Variants in CRYL1 observed in about 807,000 individuals in gnomAD.
The protein encoded by CRYL1 is crystallin lambda 1.
Under a neutral mutation model 36.6 loss-of-function variants are expected in CRYL1, and 29 were observed. The observed-to-expected ratio is 0.79, with a 90% CI of 0.59 to 1.08. The LOEUF (loss-of-function observed/expected upper bound fraction) is 1.08, where lower values mean the gene tolerates loss of function less well. CRYL1 is among the 50% of genes least tolerant of loss of function. The probability of loss-of-function intolerance (pLI) is 0.00; values close to 1 mark genes in which losing one functional copy is unlikely to be tolerated. For missense variants in CRYL1, 411 were observed against 407.9 expected, an observed-to-expected ratio of 1.01 and a Z score of -0.06; for synonymous variants, 152 against 151.5, an observed-to-expected ratio of 1.00 and a Z score of -0.02.
intron 7 of CRYL1, 35 bp from the exon 8 acceptor site, chr13:20,404,277 A>G (rs1274757149): frequency 9.5e-6 from 13 of 1,361,272 alleles, no homozygotes; most frequent in Non-Finnish European, 1.4e-5. Context: ...AGGACAATAA[A>G]GAGGAAATAA....
chr13:20,408,695 T>C (rs920436930), intron 6 of CRYL1, among the ~76,000 whole-genome samples: 4 of 152,180 alleles, frequency 2.6e-5, no homozygotes, highest in Middle Eastern at 3.2e-3. Context: ...TGCATTCTTA[T>C]ACACCAACAA....
Position 20,499,513 on chromosome 13 carries a change from C to T in CRYL1, c.150-10017G>A, listed in dbSNP as rs563617479. Among the ~76,000 whole-genome samples the T allele has an allele frequency of 7.9e-5, 12 of 151,068 alleles. No homozygotes were observed. The South Asian group carries it at 1.3e-3, about 16-fold the overall frequency. On this transcript the variant is annotated intron_variant, in intron 2 of 7. Coordinates refer to ENST00000298248, the MANE Select transcript of CRYL1 (RefSeq NM_015974.3). ...AAAATGAAAAAAAAAATTAGCCGGG[C>T]GTGGTGGCAGGCGCCTGTAGTCCCA...
At chr13:20,471,994 G>A (rs904178773) in intron 3 of CRYL1, among the ~76,000 whole-genome samples, 3 of 151,948 alleles carry the variant, frequency 2.0e-5, no homozygotes, top group Non-Finnish European at 2.9e-5. Context: ...CTGAGTAGCT[G>A]GGATTACAGG....
At chr13:20,522,970 G>A (rs2034124262) in intron 1 of CRYL1, among the ~76,000 whole-genome samples, 2 of 139,916 alleles carry the variant, frequency 1.4e-5, no homozygotes, top group African/African-American at 2.7e-5. Flanking sequence ...CAGCTGGAGT[G>A]CAGTGGTGTG....
chr13:20,408,162 A>AC (rs2031424672), intron 6 of CRYL1, among the ~76,000 whole-genome samples: 1 of 152,168 alleles, frequency 6.6e-6, no homozygotes, highest in African/African-American at 2.4e-5. Flanking sequence ...TCAAATTCCC[A>AC]CCTGAGTGAG....
At chr13:20,507,277 G>A (rs754200038) in intron 2 of CRYL1, among the ~76,000 whole-genome samples, 8 of 152,116 alleles carry the variant, frequency 5.3e-5, no homozygotes, top group Non-Finnish European at 8.8e-5. Context: ...AAAATTATAC[G>A]AACAAAGTTC....
chr13:20,518,470 G>A (rs1344473274), intron 1 of CRYL1, among the ~76,000 whole-genome samples: 4 of 152,108 alleles, frequency 2.6e-5, no homozygotes, highest in Non-Finnish European at 5.9e-5. Context: ...CTGGAGGGGC[G>A]GTGGGGGGAG....
Position 20,477,147 on chromosome 13 carries a change from C to A in CRYL1, c.276+12223G>T, listed in dbSNP as rs9578289. Among the ~76,000 whole-genome samples, 33 of 152,250 alleles carry A rather than the reference C, an allele frequency of 2.2e-4. No individual in the cohort carries two copies. In the East Asian group the frequency reaches 5.4e-3, roughly 25 times the overall value. On this transcript the variant is annotated intron_variant, in intron 3 of 7. Transcript: ENST00000298248. ...CCGCGCTCCAGCCTGGGCGACAGAG[C>A]GGGACTCCGTCTCAAAAACAGCAAC...
At chr13:20,427,205 C>A in intron 5 of CRYL1, 1 of 985,452 alleles carries the variant, frequency 1.0e-6, no homozygotes, top group Admixed American at 6.1e-5. Flanking sequence ...CCAGGGAGCA[C>A]GCCTCCGGCA....
intron 3 of CRYL1, among the ~76,000 whole-genome samples, chr13:20,447,602 G>C (rs1309775375): frequency 6.6e-6 from 1 of 152,032 alleles, no homozygotes; most frequent in East Asian, 1.9e-4. Flanking sequence ...AACATGGAAA[G>C]AGATCCTCTA....
chr13:20,468,603 T>TTTTG (rs1404610180), intron 3 of CRYL1, among the ~76,000 whole-genome samples: 32 of 152,230 alleles, frequency 2.1e-4, no homozygotes, highest in Middle Eastern at 3.4e-3. Flanking sequence ...TTTACCTAGT[T>TTTTG]TTTGTTTGTT....
chr13:20,487,097 G>T (rs757526309), intron 3 of CRYL1, among the ~76,000 whole-genome samples: 3 of 152,166 alleles, frequency 2.0e-5, no homozygotes, highest in Non-Finnish European at 2.9e-5. Flanking sequence ...GGTAGTTTTG[G>T]ATGTTTATAG....
intron 4 of CRYL1, among the ~76,000 whole-genome samples, chr13:20,436,783 C>T (rs1203401436): frequency 6.6e-6 from 1 of 152,150 alleles, no homozygotes; most frequent in African/African-American, 2.4e-5. Flanking sequence ...TCCACTTTGG[C>T]ACGGCATGAA....
intron 3 of CRYL1, chr13:20,473,023 C>T (rs984049879): frequency 6.6e-6 from 1 of 152,228 alleles, no homozygotes; most frequent in African/African-American, 2.4e-5. Flanking sequence ...GATCCAGTCT[C>T]TTTGGTGGAA....
intron 4 of CRYL1, 61 bp downstream of exon 4, chr13:20,439,532 A>AAAAAAAAAAAAAAAAG (rs2032307632): frequency 1.2e-6 from 1 of 860,886 alleles, no homozygotes; most frequent in Admixed American, 5.4e-5. Flanking sequence ...AAAAAAAAAG[A>AAAAAAAAAAAAAAAAG]AAAAAAAAAA....
intron 1 of CRYL1, among the ~76,000 whole-genome samples, chr13:20,516,785 A>G (rs1296664940): frequency 2.0e-5 from 3 of 152,110 alleles, no homozygotes; most frequent in African/African-American, 7.2e-5. Flanking sequence ...CGGCCAAAAG[A>G]TAATTTTGAA....
Position 20,464,264 on chromosome 13 carries a change from C to T in CRYL1, c.277-24510G>A, listed in dbSNP as rs568043065. On this transcript the variant is annotated intron_variant, in intron 3 of 7. Coordinates refer to ENST00000298248, the MANE Select transcript of CRYL1 (RefSeq NM_015974.3). ...CAAAAATTAGCTGGGTATGGTGGCA[C>T]GTGCCTGTAGTCCCAGCTACTCAGG... Among the ~76,000 whole-genome samples the T allele has an allele frequency of 2.0e-4, 31 of 152,124 alleles. 1 individual carries two copies. The highest frequency in any genetic ancestry group is 1.9e-4 in the East Asian group (1 of 5,190).
intron 3 of CRYL1, among the ~76,000 whole-genome samples, chr13:20,464,166 G>A (rs1000000490): frequency 1.3e-4 from 20 of 152,126 alleles, no homozygotes; most frequent in African/African-American, 4.1e-4. Context: ...AAATATGTTC[G>A]TTATACAAGT....
chr13:20,480,208 C>A (rs2033247719), intron 3 of CRYL1, among the ~76,000 whole-genome samples: 1 of 152,110 alleles, frequency 6.6e-6, no homozygotes, highest in African/African-American at 2.4e-5. Context: ...TGGTGAAACC[C>A]TGTCTCTACT....
Sources: gnomAD v4.1 joint callset for allele counts (sites outside exome capture counted in the v4.1 genomes callset) on GRCh38, gnomAD v4.1.1 for gene constraint, MANE v1.5 for transcripts, NCBI Gene and HGNC (gene_info 2026-07-23, HGNC 2026-07-21) for gene names.